PERP: variants seen among roughly 807,000 people sequenced by gnomAD.
The protein encoded by PERP is p53 apoptosis effector related to PMP22.
PERP carries 11 observed loss-of-function variants against 20.3 expected under a neutral mutation model. The ratio of observed to expected loss-of-function variants is 0.54; its 90% CI spans 0.34 to 0.90. The LOEUF (loss-of-function observed/expected upper bound fraction) is 0.90, where lower values mean the gene tolerates loss of function less well. PERP is among the 40% of genes least tolerant of loss of function. The pLI, the probability that PERP is intolerant of heterozygous loss-of-function variation, is 0.02. For missense variants in PERP, 224 were observed against 249.4 expected (o/e 0.90, Z 0.69); for synonymous variants, 101 against 102.0 (o/e 0.99, Z 0.06).
At chr6:138,099,675 T>C (rs879292151) in intron 1 of PERP, among the ~76,000 whole-genome samples, 5 of 152,216 alleles carry the variant, frequency 3.3e-5, no homozygotes, top group Admixed American at 2.0e-4. Context: ...TTTTACCTAT[T>C]TGAGGAAAAT....
chr6:138,096,452 A>T lies in PERP; in HGVS notation c.257T>A (p.Ile86Asn). ...AAAAMLFCGF[I>N]ILVICFILSF... ...GAGGATGAAACAGATCACCAGGATG[A>T]TGAAGCCACAGAAGAGCATGGCAGC... is the stretch of plus-strand genomic sequence containing the variant. The change falls in exon 2 of 3, where the codon ATC (isoleucine) becomes AAC (asparagine). Residue 86 changes from isoleucine to asparagine, a missense_variant. Ile to Asn is a moderately radical substitution (Grantham distance 149). Transcript: ENST00000421351. 3 of 1,613,902 alleles carry T rather than the reference A, an allele frequency of 1.9e-6. No homozygotes were observed. Among genetic ancestry groups the T allele is most frequent in the Non-Finnish European group, 2.5e-6 (3 of 1,179,928 alleles).
chr6:138,099,709 T>G (rs796824658), intron 1 of PERP, among the ~76,000 whole-genome samples: 15 of 152,366 alleles, frequency 9.8e-5, no homozygotes, highest in African/African-American at 3.6e-4. Flanking sequence ...TTATTACTAT[T>G]ATACTTCCTC....
Position 138,092,072 on chromosome 6 carries a change from G to C in PERP, c.552C>G (p.Ala184=), listed in dbSNP as rs780410787. The change falls in exon 3 of 3, where the codon GCC becomes GCG. Residue 184 remains alanine (A), a synonymous_variant. Transcript: ENST00000421351. The part of the protein sequence containing the change: ...PNYEDDLLGN[A]KPRYFYTSA ...CAGATGTGTAGAAGTACCTGGGCTT[G>C]GCATTGCCCAGAAGGTCATCTTCGT... The C allele has an allele frequency of 1.2e-6, 2 of 1,613,874 alleles. No homozygotes were observed. The highest frequency in any genetic ancestry group is 2.7e-5 in the African/African-American group (2 of 74,916).
chr6:138,099,590 A>T (rs866391315), intron 1 of PERP, among the ~76,000 whole-genome samples: 3 of 152,270 alleles, frequency 2.0e-5, no homozygotes, highest in African/African-American at 7.2e-5. Flanking sequence ...AAACTTTTAC[A>T]ATCACAGATA....
intron 1 of PERP, among the ~76,000 whole-genome samples, chr6:138,102,491 G>C (rs565054245): frequency 6.6e-6 from 1 of 152,316 alleles, no homozygotes; most frequent in Non-Finnish European, 1.5e-5. Flanking sequence ...TGCTATGGAT[G>C]GGTGCAGGCT....
At chr6:138,099,602 A>G (rs1775743342) in intron 1 of PERP, among the ~76,000 whole-genome samples, 1 of 152,258 alleles carries the variant, frequency 6.6e-6, no homozygotes, top group Admixed American at 6.5e-5. Flanking sequence ...TCACAGATAA[A>G]GGTTTGAAAA....
Position 138,090,963 on chromosome 6 carries a change from C to A in PERP, c.*1079G>T, listed in dbSNP as rs1303369720. The A allele has an allele frequency of 6.6e-6, 1 of 152,648 alleles. No homozygotes were observed. Among genetic ancestry groups the A allele is most frequent in the East Asian group, 1.9e-4 (1 of 5,190 alleles). The allele number at this position is 152,648 out of a possible 1,614,324, so 9.5% of individuals were successfully genotyped here. ...ATCATATATATGCTATTCAGAGAAA[C>A]TCAAATCCCCGAATTCTCCTGTGGC... On this transcript the variant is annotated 3_prime_UTR_variant, in exon 3 of 3. Transcript: ENST00000421351.
chr6:138,094,136 T>C (rs1775637167), intron 2 of PERP, among the ~76,000 whole-genome samples: 1 of 152,218 alleles, frequency 6.6e-6, no homozygotes, highest in Non-Finnish European at 1.5e-5. Context: ...GTAAAATATA[T>C]ATAACATTTA....
Position 138,091,936 on chromosome 6 carries a change from A to T in PERP, c.*106T>A. 1.1e-6 allele frequency: 1 copy of T among 947,222 alleles called. No homozygotes were observed. Among genetic ancestry groups the T allele is most frequent in the Non-Finnish European group, 1.6e-6 (1 of 638,056 alleles). 58.7% of individuals were successfully genotyped at this position (947,222 alleles called of 1,614,324 possible). On this transcript the variant is annotated 3_prime_UTR_variant, in exon 3 of 3. Coordinates refer to ENST00000421351, the MANE Select transcript of PERP (RefSeq NM_022121.5). ...TTTTAGCATTTTTGACTAGTTTAATAATATGAACACTGCCAAAAAATGGGT... is the reference window on the plus strand; with the variant it reads ...TTTTAGCATTTTTGACTAGTTTAATTATATGAACACTGCCAAAAAATGGGT...
chr6:138,104,644 A>G (rs1408623315), intron 1 of PERP, among the ~76,000 whole-genome samples: 1 of 152,250 alleles, frequency 6.6e-6, no homozygotes, highest in Non-Finnish European at 1.5e-5. Context: ...TAATAGTTAC[A>G]ACGGTAAATC....
At chr6:138,093,861 C>T (rs772627674) in intron 2 of PERP, among the ~76,000 whole-genome samples, 2 of 152,008 alleles carry the variant, frequency 1.3e-5, no homozygotes, top group Admixed American at 6.6e-5. Flanking sequence ...GTTGAGATTT[C>T]TAGGCTTTTT....
chr6:138,089,455 C>T lies in PERP; in HGVS notation c.*2587G>A, dbSNP rs1775544581. ...ACCTTGATATATTACTTCTTTGTTA[C>T]AATCAGCAGTAAGTGCCACTTAGCA... On this transcript the variant is annotated 3_prime_UTR_variant, in exon 3 of 3. Transcript: ENST00000421351. The T allele has an allele frequency of 6.6e-6, 1 of 152,160 alleles. No homozygotes were observed. The highest frequency in any genetic ancestry group is 6.5e-5 in the Admixed American group (1 of 15,268). 9.4% of individuals were successfully genotyped at this position (152,160 alleles called of 1,614,324 possible). A position where few individuals can be genotyped will look rare whatever the true frequency, so the allele number is the denominator to read the frequency against.
intron 1 of PERP, among the ~76,000 whole-genome samples, chr6:138,100,183 G>A (rs1775751182): frequency 6.6e-6 from 1 of 152,204 alleles, no homozygotes; most frequent in South Asian, 2.1e-4. Flanking sequence ...CGTTCTGTCT[G>A]AGAAGGAGCC....
chr6:138,104,854 T>C (rs1403899290), intron 1 of PERP, among the ~76,000 whole-genome samples: 1 of 152,242 alleles, frequency 6.6e-6, no homozygotes, highest in Non-Finnish European at 1.5e-5. Flanking sequence ...CATGTAAATA[T>C]ATGGTTTTCA....
chr6:138,107,256 C>A lies in PERP; in HGVS notation c.85G>T (p.Ala29Ser). ...TGCAACCAGCCGCGGCCGGCCAGCG[C>A]GATGATGTCGAAGGCGATGGCGCTG... ...LLSAIAFDIIALAGRGWLQSS... is the reference protein window; with the variant it reads ...LLSAIAFDIISLAGRGWLQSS... The change falls in exon 1 of 3, where the codon GCG becomes TCG. Residue 29 changes from alanine to serine, a missense_variant. Transcript: ENST00000421351. This position sits in a 1 kb window ranked among gnomAD's most constrained non-coding sequence, Gnocchi z 4.8. 6.2e-7 allele frequency: 1 copy of A among 1,612,020 alleles called. No homozygotes were observed. Among genetic ancestry groups the A allele is most frequent in the Non-Finnish European group, 8.5e-7 (1 of 1,179,652 alleles).
In PERP at chr6:138,091,958, G is replaced by T. The variant is rs1462060352; in HGVS notation, c.*84C>A. 10 of 1,258,646 alleles carry T rather than the reference G, an allele frequency of 7.9e-6. No homozygotes were observed. In the African/African-American group the frequency reaches 1.2e-4, roughly 15 times the overall value. 78.0% of individuals were successfully genotyped at this position (1,258,646 alleles called of 1,614,324 possible). On this transcript the variant is annotated 3_prime_UTR_variant, in exon 3 of 3. Coordinates refer to ENST00000421351, the MANE Select transcript of PERP (RefSeq NM_022121.5). ...AATAATATGAACACTGCCAAAAAAT[G>T]GGTTCAAAGTCGCCTGGAGAAACAG...
At chr6:138,100,599 G>A (rs1184211673) in intron 1 of PERP, among the ~76,000 whole-genome samples, 1 of 151,608 alleles carries the variant, frequency 6.6e-6, no homozygotes, top group Non-Finnish European at 1.5e-5. Flanking sequence ...AGAGTAGAAA[G>A]GATTCTTATT....
At chr6:138,106,900 G>A (rs1290532693) in intron 1 of PERP, among the ~76,000 whole-genome samples, 1 of 93,250 alleles carries the variant, frequency 1.1e-5, no homozygotes, top group Non-Finnish European at 2.2e-5. Flanking sequence ...TTTGAACTAC[G>A]GCCTTTTTTT....
rs1270523833 is a variant in PERP at position 138,090,805 on chromosome 6, T to C, written c.*1237A>G. The C allele has an allele frequency of 6.6e-6, 1 of 152,556 alleles. No homozygotes were observed. The highest frequency in any genetic ancestry group is 2.4e-5 in the African/African-American group (1 of 41,428). The allele number at this position is 152,556 out of a possible 1,614,324, so 9.5% of individuals were successfully genotyped here. A position where few individuals can be genotyped will look rare whatever the true frequency, so the allele number is the denominator to read the frequency against. ...AACAAGTTTAGAATACCTGGTTTAT[T>C]GGGAAAACTTCATAATGAAAACTAC... On this transcript the variant is annotated 3_prime_UTR_variant, in exon 3 of 3. Transcript: ENST00000421351.
Sources: allele counts gnomAD v4.1 joint callset (sites outside exome capture counted in the v4.1 genomes callset), GRCh38; gene constraint gnomAD v4.1.1; non-coding constraint Gnocchi (gnomAD v3.1); transcripts MANE v1.5; gene names NCBI Gene and HGNC (gene_info 2026-07-23, HGNC 2026-07-21).